The following ABCA13 variants were observed in gnomAD, a reference collection of about 807,000 sequenced individuals.
The protein encoded by ABCA13 is ATP binding cassette subfamily A member 13, also known as ATP-binding cassette sub-family A member 13.
A neutral mutation model predicts 478.7 loss-of-function variants in ABCA13; 476 were observed. The observed-to-expected ratio is 0.99, with a 90% CI of 0.92 to 1.07. The LOEUF is 1.07. Ranked by LOEUF, ABCA13 falls within the 50% of genes least tolerant of loss-of-function variation. ABCA13 has a pLI of 0.00. For synonymous variants in ABCA13, 2,252 were observed against 2,158.9 expected, an observed-to-expected ratio of 1.04 and a Z score of -1.20; for missense variants, 6,060 against 5,910.6, an observed-to-expected ratio of 1.03 and a Z score of -0.83.
chr7:48,218,631 G>T (rs556083486), intron 3 of ABCA13, among the ~76,000 whole-genome samples: 1 of 152,244 alleles, frequency 6.6e-6, no homozygotes, highest in African/African-American at 2.4e-5. Context: ...TCAGTTCTCT[G>T]GGCTCCAGAC....
At chr7:48,412,702 T>C in intron 41 of ABCA13, 119 bp downstream of exon 41, 2 of 691,328 alleles carry the variant, frequency 2.9e-6, no homozygotes, top group South Asian at 1.0e-4. Context: ...TGTGCACTTT[T>C]ATTTACATTT....
chr7:48,571,916 G>A (rs1018049738), intron 55 of ABCA13, among the ~76,000 whole-genome samples: 1 of 152,124 alleles, frequency 6.6e-6, no homozygotes, highest in African/African-American at 2.4e-5. Context: ...AGTGGCTCAT[G>A]TCTGTAATCC....
intron 55 of ABCA13, among the ~76,000 whole-genome samples, chr7:48,539,903 TTCTG>T (rs1344848932): frequency 6.6e-6 from 1 of 152,214 alleles, no homozygotes; most frequent in Non-Finnish European, 1.5e-5. Flanking sequence ...CTATATCTGT[TTCTG>T]TCTGTCGGCA....
intron 32 of ABCA13, among the ~76,000 whole-genome samples, chr7:48,369,511 C>T (rs1040064960): frequency 3.9e-5 from 6 of 151,968 alleles, no homozygotes; most frequent in Non-Finnish European, 7.4e-5. Flanking sequence ...TTTCTAGACT[C>T]GTTATGGTCT....
chr7:48,179,756 G>C (rs1411189443), intron 1 of ABCA13, among the ~76,000 whole-genome samples: 1 of 152,176 alleles, frequency 6.6e-6, no homozygotes, highest in Non-Finnish European at 1.5e-5. Flanking sequence ...AGCTAAAATA[G>C]TGCTGTGCTG....
At position 48,427,831 on chromosome 7, in the gene ABCA13, G is replaced by A. The variant is rs780539548; in HGVS notation, c.12525G>A (p.Glu4175=). ...KSHIALGTES[E]LQNHRPTGHL... is the part of the protein sequence containing the mutation. ...ACATTGCCCTGGGGACTGAGTCAGA[G>A]CTGCAGAACCACAGGCCTACAGGAC... Residue 4175 remains glutamate (E), a synonymous_variant, in exon 42 of 62, where the codon GAG becomes GAA. Transcript: ENST00000435803. 6.8e-6 allele frequency: 11 copies of A among 1,612,650 alleles called. No individual in the cohort carries two copies. The highest frequency in any genetic ancestry group is 1.7e-5 in the Admixed American group (1 of 59,882).
chr7:48,314,337 T>C lies in ABCA13; in HGVS notation c.9787T>C (p.Phe3263Leu). ...ATCATTCCTTAGCGATTCTAATATGTTTATTAATTTGCCCAGAGTTAAGGA... is the reference window on the plus strand; with the variant it reads ...ATCATTCCTTAGCGATTCTAATATGCTTATTAATTTGCCCAGAGTTAAGGA... ...QASFLSDSNM[F>L]INLPRVKELL... Residue 3263 changes from phenylalanine to leucine, a missense_variant, in exon 26 of 62, where the codon TTT (phenylalanine) becomes CTT (leucine). Phe to Leu is a conservative substitution (Grantham distance 22, BLOSUM62 0). Around this residue, in one of 3 missense-constraint regions of ABCA13, gnomAD observed 4,423 missense variants for 4,309.1 expected, o/e 1.03. Coordinates refer to ENST00000435803, the MANE Select transcript of ABCA13 (RefSeq NM_152701.5). The C allele has an allele frequency of 6.2e-7, 1 of 1,612,604 alleles. No homozygotes were observed. The highest frequency in any genetic ancestry group is 8.5e-7 in the Non-Finnish European group (1 of 1,179,146).
intron 55 of ABCA13, among the ~76,000 whole-genome samples, chr7:48,562,551 C>CA (rs59467793): frequency 0.14 from 21,053 of 151,896 alleles, 1,819 homozygotes; most frequent in African/African-American, 0.23. Flanking sequence ...ACCATAGAAC[C>CA]TAACTCTTGA....
chr7:48,411,434 A>T (rs899020556), intron 40 of ABCA13, among the ~76,000 whole-genome samples: 9 of 151,596 alleles, frequency 5.9e-5, no homozygotes, highest in Non-Finnish European at 1.2e-4. Context: ...CAGCCTCCCG[A>T]GTAGCTGGGA....
chr7:48,336,572 G>A (rs559273323), intron 28 of ABCA13, among the ~76,000 whole-genome samples: 56 of 152,248 alleles, frequency 3.7e-4, no homozygotes, highest in African/African-American at 1.2e-3. Context: ...TCAAGGTAGG[G>A]GTCCCATGTC....
At chr7:48,294,112 T>C (rs1017741028) in intron 20 of ABCA13, among the ~76,000 whole-genome samples, 35 of 152,102 alleles carry the variant, frequency 2.3e-4, no homozygotes, top group African/African-American at 8.4e-4. Flanking sequence ...TTTAATAATA[T>C]ATATTTGAAG....
intron 58 of ABCA13, among the ~76,000 whole-genome samples, chr7:48,598,612 A>G (rs561945302): frequency 6.6e-6 from 1 of 152,270 alleles, no homozygotes; most frequent in African/African-American, 2.4e-5. Context: ...ATGATTTGCA[A>G]ATATGTATTT....
intron 46 of ABCA13, among the ~76,000 whole-genome samples, chr7:48,482,755 C>T (rs766830413): frequency 7.9e-5 from 12 of 152,092 alleles, no homozygotes; most frequent in Non-Finnish European, 1.6e-4. Flanking sequence ...AATAACAGTG[C>T]TGATGATCAA....
In ABCA13 at chr7:48,273,062, A is replaced by T. The variant is rs758132872; in HGVS notation, c.3396A>T (p.Ser1132=). ...TGGCACAAATTTTTTCAAACCTCTC[A>T]GCAAATGTCAGTGTGTTCAACAAGT... ...FPLAQIFSNL[S]ANVSVFNKFM... Residue 1132 remains serine, a synonymous_variant, in exon 17 of 62, where the codon TCA becomes TCT. Transcript: ENST00000435803. 1 of 1,613,622 alleles carries T rather than the reference A, an allele frequency of 6.2e-7. No homozygotes were observed. Among genetic ancestry groups the T allele is most frequent in the Non-Finnish European group, 8.5e-7 (1 of 1,179,712 alleles).
intron 23 of ABCA13, among the ~76,000 whole-genome samples, chr7:48,303,959 G>A (rs1319446014): frequency 2.0e-5 from 3 of 152,130 alleles, no homozygotes; most frequent in Non-Finnish European, 4.4e-5. Context: ...TCTGTCTGGG[G>A]TGTCTTGGTA....
intron 37 of ABCA13, 151 bp from the exon 38 acceptor site, chr7:48,391,770 T>G (rs1816088331): frequency 1.5e-6 from 1 of 676,202 alleles, no homozygotes; most frequent in Middle Eastern, 3.0e-4. Flanking sequence ...CTCAAACTAC[T>G]CACACCTTTT....
At chr7:48,187,002 T>C (rs1796432398) in intron 1 of ABCA13, among the ~76,000 whole-genome samples, 1 of 119,926 alleles carries the variant, frequency 8.3e-6, no homozygotes, top group Non-Finnish European at 1.7e-5. Context: ...TGTATATGCA[T>C]ATATATATGT....
At position 48,227,257 on chromosome 7, in the gene ABCA13, A is replaced by G. The variant is rs1423576396; in HGVS notation, c.469-5A>G. 1.9e-6 allele frequency: 3 copies of G among 1,611,912 alleles called. No individual in the cohort carries two copies. Among genetic ancestry groups the G allele is most frequent in the African/African-American group, 1.3e-5 (1 of 74,752 alleles). ...AAACTTTTGGTGTATTTTTTTTCCC[A>G]TCAGATGGATCTCAATAAGACCGAG... On this transcript the variant is annotated splice_polypyrimidine_tract_variant and splice_region_variant and intron_variant, in intron 5 of 61. Coordinates refer to ENST00000435803, the MANE Select transcript of ABCA13 (RefSeq NM_152701.5).
In ABCA13 at chr7:48,273,836, T is replaced by C; in HGVS notation, c.4170T>C (p.Ser1390=). ...TTTCCTCTGAGAACACAATTAGCAG[T>C]CTGAAAGGATGCATTGTATGGTTAG... ...STFSSENTIS[S]LKGCIVWLDV... The change falls in exon 17 of 62, where the codon AGT becomes AGC. Residue 1390 remains serine (S), a synonymous_variant. Transcript: ENST00000435803. The C allele has an allele frequency of 6.2e-7, 1 of 1,612,216 alleles. No individual in the cohort carries two copies. The highest frequency in any genetic ancestry group is 1.1e-5 in the South Asian group (1 of 90,922).
Sources: allele counts gnomAD v4.1 joint callset (sites outside exome capture counted in the v4.1 genomes callset), GRCh38; gene constraint gnomAD v4.1.1; regional missense constraint gnomAD v4.1.1; transcripts MANE v1.5; gene names NCBI Gene and HGNC (gene_info 2026-07-23, HGNC 2026-07-21).